TIMELESS: variants seen among roughly 807,000 people sequenced by gnomAD.
The protein encoded by TIMELESS is protein timeless homolog.
TIMELESS carries 124 observed loss-of-function variants against 164.3 expected under a neutral mutation model. The ratio of observed to expected loss-of-function variants is 0.75; its 90% CI spans 0.65 to 0.88. The LOEUF (loss-of-function observed/expected upper bound fraction) is 0.88, where lower values mean the gene tolerates loss of function less well. TIMELESS is among the 40% of genes least tolerant of loss of function. TIMELESS has a pLI of 0.00. For missense variants in TIMELESS, 1,422 were observed against 1,491.4 expected (o/e 0.95, Z 0.77); for synonymous variants, 564 against 563.4 (o/e 1.00, Z -0.02).
chr12:56,438,942 T>G (rs1278864895), intron 1 of TIMELESS, among the ~76,000 whole-genome samples: 1 of 148,238 alleles, frequency 6.7e-6, no homozygotes, highest in Non-Finnish European at 1.5e-5. Context: ...GGTGGGCAGA[T>G]CACCCTGAGG....
chr12:56,425,198 G>C (rs12824030), intron 13 of TIMELESS, 46 bp from the exon 14 acceptor site: 1,557,087 of 1,567,696 alleles, frequency 0.99, 773,837 homozygotes, highest in East Asian at 1. Context: ...GCTAAAGAGG[G>C]CTTTCCCCAT....
intron 25 of TIMELESS, 42 bp downstream of exon 25, chr12:56,420,771 C>A: frequency 6.2e-7 from 1 of 1,613,478 alleles, no homozygotes; most frequent in Non-Finnish European, 8.5e-7. Flanking sequence ...TCTCCAATAG[C>A]CTCCAGGGCT....
chr12:56,423,931 A>C (rs1881591743), intron 15 of TIMELESS, 37 bp from the exon 16 acceptor site: 7 of 1,558,086 alleles, frequency 4.5e-6, no homozygotes, highest in Non-Finnish European at 6.2e-6. Flanking sequence ...TACCCAGGGG[A>C]AATCTGGCTT....
Position 56,432,495 on chromosome 12 carries a change from G to C in TIMELESS, c.561C>G (p.Asp187Glu), listed in dbSNP as rs766004740. Residue 187 changes from aspartate (D) to glutamate (E), a missense_variant, in exon 7 of 29, where the codon GAC becomes GAG. By Grantham distance (45) the Asp-to-Glu change is conservative. Coordinates refer to ENST00000553532, the MANE Select transcript of TIMELESS (RefSeq NM_003920.5). Reference protein sequence around the residue: ...KKIDDDASAHDQLLWAIHLSG... With the variant: ...KKIDDDASAHEQLLWAIHLSG... ...TGAGGTGAATCGCCCAGAGGAGCTG[G>C]TCATGGGCACTGGCGTCATCATCAA... 2 of 1,614,136 alleles carry C rather than the reference G, an allele frequency of 1.2e-6. No individual in the cohort carries two copies. Among genetic ancestry groups the C allele is most frequent in the Non-Finnish European group, 8.5e-7 (1 of 1,180,018 alleles).
chr12:56,445,279 G>C (rs1868332691), intron 1 of TIMELESS, among the ~76,000 whole-genome samples: 1 of 151,154 alleles, frequency 6.6e-6, no homozygotes, highest in African/African-American at 2.4e-5. Context: ...TACAAAATTA[G>C]CTGGGTGTGG....
chr12:56,445,183 T>C (rs1385162043), intron 1 of TIMELESS, among the ~76,000 whole-genome samples: 2 of 151,472 alleles, frequency 1.3e-5, no homozygotes, highest in East Asian at 3.9e-4. Context: ...CCCAGCACTT[T>C]GGGAGGCTGA....
chr12:56,446,760 AG>A (rs1292824350), intron 1 of TIMELESS, among the ~76,000 whole-genome samples: 1 of 151,126 alleles, frequency 6.6e-6, no homozygotes, highest in Admixed American at 6.6e-5. Flanking sequence ...TGAACCTGGG[AG>A]ACCACGCCAC....
intron 26 of TIMELESS, among the ~76,000 whole-genome samples, chr12:56,420,010 A>AC: frequency 1.2e-5 from 1 of 80,130 alleles, no homozygotes. Context: ...CTGTCTCAAA[A>AC]AAAAAAAAAA....
chr12:56,417,905 A>G lies in TIMELESS; in HGVS notation c.3556+2T>C, dbSNP rs1881318374. 1 of 1,613,786 alleles carries G rather than the reference A, an allele frequency of 6.2e-7. No individual in the cohort carries two copies. Among genetic ancestry groups the G allele is most frequent in the African/African-American group, 1.3e-5 (1 of 74,866 alleles). On this transcript the variant is annotated splice_donor_variant, in intron 28 of 28. Coordinates refer to ENST00000553532, the MANE Select transcript of TIMELESS (RefSeq NM_003920.5). LOFTEE classifies it high-confidence loss of function. The stretch of plus-strand genomic sequence containing the variant: ...AAAAGAAGGTCCCATCAAATTCCCT[A>G]CCTCTGTTCCTGCCCTCATCTTCTT...
chr12:56,421,345 T>C lies in TIMELESS; in HGVS notation c.2868+6A>G. The C allele has an allele frequency of 3.7e-6, 6 of 1,613,274 alleles. No homozygotes were observed. Among genetic ancestry groups the C allele is most frequent in the Non-Finnish European group, 5.1e-6 (6 of 1,179,556 alleles). ...CATGCCAGCAGAGCTAGGGTCAGATTGTTACCAAGATGGAGGATGCCAACT... is the reference window on the plus strand; with the variant it reads ...CATGCCAGCAGAGCTAGGGTCAGATCGTTACCAAGATGGAGGATGCCAACT... On this transcript the variant is annotated splice_donor_region_variant and intron_variant, in intron 23 of 28. Transcript: ENST00000553532.
intron 26 of TIMELESS, 60 bp downstream of exon 26, chr12:56,420,509 G>A: frequency 7.5e-7 from 1 of 1,328,816 alleles, no homozygotes; most frequent in Non-Finnish European, 1.1e-6. Flanking sequence ...GGAGGAGGAG[G>A]AGATGTATTT....
rs776646178 is a variant in TIMELESS, at chr12:56,417,943, C to T, written c.3520G>A (p.Asp1174Asn). 39 of 1,614,134 alleles carry T rather than the reference C, an allele frequency of 2.4e-5. No individual in the cohort carries two copies. Among genetic ancestry groups the T allele is most frequent in the Admixed American group, 6.7e-5 (4 of 60,008 alleles). The change falls in exon 28 of 29, where the codon GAC (aspartate) becomes AAC (asparagine). Residue 1174 changes from aspartate to asparagine, a missense_variant. Coordinates refer to ENST00000553532, the MANE Select transcript of TIMELESS (RefSeq NM_003920.5). ...CCCTCATCTTCTTCCTGTTCCTCGT[C>T]GCTGTCCAGCAATTGTCGTTTCTTG... is the stretch of plus-strand genomic sequence containing the variant. ...APKKRQLLDS[D>N]EEQEEDEGRN...
At chr12:56,422,307 G>A (rs1251287095) in intron 19 of TIMELESS, 116 bp from the exon 20 acceptor site, 2 of 894,148 alleles carry the variant, frequency 2.2e-6, no homozygotes, top group South Asian at 1.5e-5. Context: ...GTAACTGAAA[G>A]AGGCCAGCCA....
intron 1 of TIMELESS, among the ~76,000 whole-genome samples, chr12:56,437,233 A>C (rs766226922): frequency 7.2e-5 from 11 of 152,082 alleles, no homozygotes; most frequent in Non-Finnish European, 1.5e-4. Flanking sequence ...CCAGCCAAGC[A>C]TGCAATAAAT....
rs147997251 is a variant in TIMELESS at position 56,427,787 on chromosome 12, G to T, written c.1578+449C>A. ...GACGGGGTTTCACCATGTTGGCCAG[G>T]CTGGTCTTGAACCCCTGACCTCAAG... On this transcript the variant is annotated intron_variant, in intron 13 of 28. Transcript: ENST00000553532. Among the ~76,000 whole-genome samples the T allele has an allele frequency of 2.3e-3, 352 of 152,254 alleles. 4 individuals carry two copies. Among genetic ancestry groups the T allele is most frequent in the African/African-American group, 8.1e-3 (336 of 41,538 alleles).
At chr12:56,426,739 T>C (rs1364721532) in intron 13 of TIMELESS, among the ~76,000 whole-genome samples, 1 of 152,032 alleles carries the variant, frequency 6.6e-6, no homozygotes, top group Admixed American at 6.6e-5. Flanking sequence ...TTTGTATTTT[T>C]AGTAGAGACA....
At position 56,428,671 on chromosome 12, in the gene TIMELESS, C is replaced by A; in HGVS notation, c.1305-19G>T. On this transcript the variant is annotated intron_variant, in intron 11 of 28. Coordinates refer to ENST00000553532, the MANE Select transcript of TIMELESS (RefSeq NM_003920.5). The stretch of plus-strand genomic sequence containing the variant: ...GTGCATCCTGAGAGTTGACGGGAAA[C>A]GGTGAAATGGAGGACAGCTTAGGGC... 1.2e-6 allele frequency: 2 copies of A among 1,607,146 alleles called. No homozygotes were observed. The highest frequency in any genetic ancestry group is 1.7e-6 in the Non-Finnish European group (2 of 1,174,154).
intron 10 of TIMELESS, 84 bp from the exon 11 acceptor site, chr12:56,429,184 G>A (rs1592249256): frequency 7.9e-7 from 1 of 1,258,768 alleles, no homozygotes; most frequent in Non-Finnish European, 1.1e-6. Context: ...TGATGGAATG[G>A]ATGCTGGACA....
chr12:56,420,191 G>A (rs1881419367), intron 26 of TIMELESS, among the ~76,000 whole-genome samples: 1 of 151,028 alleles, frequency 6.6e-6, no homozygotes, highest in African/African-American at 2.4e-5. Flanking sequence ...GAAGTATACA[G>A]GTTGTACCTA....
Sources: gnomAD v4.1 joint callset for allele counts (sites outside exome capture counted in the v4.1 genomes callset) on GRCh38, gnomAD v4.1.1 for gene constraint, MANE v1.5 for transcripts, NCBI Gene and HGNC (gene_info 2026-07-23, HGNC 2026-07-21) for gene names.